The following ADGRL4 variants were observed in gnomAD, a reference collection of about 807,000 sequenced individuals.
ADGRL4 encodes EGF, latrophilin and seven transmembrane domain containing 1.
ADGRL4 carries 90 observed loss-of-function variants against 74.8 expected under a neutral mutation model. That is an observed-to-expected ratio of 1.20 (90% CI 1.02 to 1.43). The LOEUF (loss-of-function observed/expected upper bound fraction) is 1.43, where lower values mean the gene tolerates loss of function less well. Among genes scored for constraint, ADGRL4 ranks in the 40% most tolerant of loss-of-function variants. The pLI is 0.00. For synonymous variants in ADGRL4, 311 were observed against 279.2 expected (o/e 1.11, Z -1.14); for missense variants, 881 against 814.3 (o/e 1.08, Z -1.00).
chr1:78,972,991 C>A (rs911339279), intron 2 of ADGRL4, among the ~76,000 whole-genome samples: 1 of 152,162 alleles, frequency 6.6e-6, no homozygotes, highest in African/African-American at 2.4e-5. Flanking sequence ...GCACATACTT[C>A]TGTAGTTTTA....
intron 2 of ADGRL4, among the ~76,000 whole-genome samples, chr1:78,957,078 A>T (rs531444608): frequency 6.6e-6 from 1 of 152,232 alleles, no homozygotes; most frequent in East Asian, 1.9e-4. Context: ...TTGTTTTGGG[A>T]TGCCATGAAC....
intron 12 of ADGRL4, among the ~76,000 whole-genome samples, chr1:78,910,827 A>C (rs1648746835): frequency 6.6e-6 from 1 of 151,864 alleles, no homozygotes. Flanking sequence ...AACATTTTAA[A>C]TGTAGTGATT....
chr1:78,955,066 A>G (rs1649801472), intron 2 of ADGRL4, among the ~76,000 whole-genome samples: 1 of 152,136 alleles, frequency 6.6e-6, no homozygotes, highest in Admixed American at 6.5e-5. Context: ...GGAAATGTGT[A>G]GATATTTAGT....
intron 2 of ADGRL4, among the ~76,000 whole-genome samples, chr1:78,966,872 T>TC (rs1289669642): frequency 2.7e-5 from 4 of 150,506 alleles, no homozygotes; most frequent in African/African-American, 4.9e-5. Flanking sequence ...TTTCTTTCTT[T>TC]TTTTTTTTTT....
At chr1:78,984,457 A>T (rs1202500023) in intron 2 of ADGRL4, among the ~76,000 whole-genome samples, 1 of 151,744 alleles carries the variant, frequency 6.6e-6, no homozygotes, top group Non-Finnish European at 1.5e-5. Flanking sequence ...GTATTCATCT[A>T]GGCAGAAAAG....
chr1:78,914,279 T>C (rs1351492601), intron 12 of ADGRL4, among the ~76,000 whole-genome samples: 1 of 151,962 alleles, frequency 6.6e-6, no homozygotes, highest in Non-Finnish European at 1.5e-5. Flanking sequence ...CAGTATGACT[T>C]ATATTGTAAT....
At chr1:78,939,113 A>T in intron 4 of ADGRL4, 75 bp downstream of exon 4, 1 of 1,434,356 alleles carries the variant, frequency 7.0e-7, no homozygotes, top group Non-Finnish European at 9.2e-7. Context: ...CTCTTCTTGA[A>T]ATGTGTGACA....
chr1:78,920,388 T>C lies in ADGRL4; in HGVS notation c.1258-2A>G. 6.5e-7 allele frequency: 1 copy of C among 1,527,634 alleles called. No individual in the cohort carries two copies. Among genetic ancestry groups the C allele is most frequent in the Non-Finnish European group, 9.0e-7 (1 of 1,111,598 alleles). The allele number at this position is 1,527,634 out of a possible 1,614,324, so 94.6% of individuals were successfully genotyped here. A position where few individuals can be genotyped will look rare whatever the true frequency, so the allele number is the denominator to read the frequency against. On this transcript the variant is annotated splice_acceptor_variant, in intron 9 of 14. Transcript: ENST00000370742. LOFTEE classifies it high-confidence loss of function. Reference sequence around the variant, plus strand: ...AAGAATATTATAATCTTTAATACCCTAAGGGAAAATAATAATAAAGCAGTT... The same window carrying C: ...AAGAATATTATAATCTTTAATACCCCAAGGGAAAATAATAATAAAGCAGTT...
rs139660094 is a variant in ADGRL4 at position 78,938,594 on chromosome 1, A to G, written c.397-315T>C. Among the ~76,000 whole-genome samples the G allele has an allele frequency of 3.1e-3, 474 of 152,200 alleles. 5 individuals are homozygous for G. Among genetic ancestry groups the G allele is most frequent in the African/African-American group, 0.011 (450 of 41,566 alleles). ...TATAGAATTATATCCTAGCCAATGAATCTACCTTAATACTTAAACTTCTTA... is the reference window on the plus strand; with the variant it reads ...TATAGAATTATATCCTAGCCAATGAGTCTACCTTAATACTTAAACTTCTTA... On this transcript the variant is annotated intron_variant, in intron 4 of 14. Coordinates refer to ENST00000370742, the MANE Select transcript of ADGRL4 (RefSeq NM_022159.4).
At chr1:78,936,667 T>C (rs926085530) in intron 6 of ADGRL4, among the ~76,000 whole-genome samples, 2 of 152,278 alleles carry the variant, frequency 1.3e-5, no homozygotes, top group Non-Finnish European at 2.9e-5. Context: ...AATATGTGTA[T>C]GTAACCAAGC....
intron 7 of ADGRL4, among the ~76,000 whole-genome samples, chr1:78,935,594 T>G (rs909635098): frequency 2.6e-5 from 4 of 152,028 alleles, no homozygotes; most frequent in Non-Finnish European, 5.9e-5. Flanking sequence ...AATCACAAAT[T>G]TTGTCTCATG....
chr1:78,909,560 A>G (rs1266720640), intron 12 of ADGRL4, among the ~76,000 whole-genome samples: 1 of 151,884 alleles, frequency 6.6e-6, no homozygotes, highest in Non-Finnish European at 1.5e-5. Context: ...CAGCTCTGCC[A>G]TTATTGTGGA....
Position 79,005,059 on chromosome 1 carries a change from A to C in ADGRL4, c.172+11T>G. On this transcript the variant is annotated intron_variant, in intron 2 of 14. Transcript: ENST00000370742. ...CAGTATAATCCAAAAGAAGTAACAA[A>C]GCTTGTTTACCTTCACAAATTGTGA... The C allele has an allele frequency of 6.2e-7, 1 of 1,609,166 alleles. No individual in the cohort carries two copies. The highest frequency in any genetic ancestry group is 8.5e-7 in the Non-Finnish European group (1 of 1,178,086).
rs1192357436 is a variant in ADGRL4 at position 78,926,980 on chromosome 1, C to A, written c.989G>T (p.Arg330Ile). The change falls in exon 8 of 15, where the codon AGA (arginine) becomes ATA (isoleucine). Residue 330 changes from arginine to isoleucine, a missense_variant. Coordinates refer to ENST00000370742, the MANE Select transcript of ADGRL4 (RefSeq NM_022159.4). ...GACTGAAATTACTGAAGATATGACT[C>A]TTTCCTCCTCTTCAGAATTATCATA... ...QNYDNSEEEE[R>I]VISSVISVSM... is the part of the protein sequence containing the mutation. 6.2e-6 allele frequency: 10 copies of A among 1,611,470 alleles called. No individual in the cohort carries two copies. Among genetic ancestry groups the A allele is most frequent in the Admixed American group, 1.7e-5 (1 of 59,854 alleles).
chr1:79,003,764 A>T (rs181723159), intron 2 of ADGRL4, among the ~76,000 whole-genome samples: 34 of 152,166 alleles, frequency 2.2e-4, no homozygotes, highest in Non-Finnish European at 4.9e-4. Context: ...TACAATTTGT[A>T]ATGATTAGTG....
chr1:78,891,443 TGA>T lies in ADGRL4; in HGVS notation c.2010+79_2010+80del, dbSNP rs955992965. 72 of 1,431,000 alleles carry T rather than the reference TGA, an allele frequency of 5.0e-5. No individual in the cohort carries two copies. In the African/African-American group the frequency reaches 9.6e-4, roughly 19 times the overall value. The allele number at this position is 1,431,000 out of a possible 1,614,324, so 88.6% of individuals were successfully genotyped here. On this transcript the variant is annotated intron_variant, in intron 14 of 14. Coordinates refer to ENST00000370742, the MANE Select transcript of ADGRL4 (RefSeq NM_022159.4). ...AATAAAGGCAGAAGTCATAAATCTA[TGA>T]GAGTAAGAATTTTCTATCAATTTGG...
intron 2 of ADGRL4, among the ~76,000 whole-genome samples, chr1:78,949,426 C>G (rs1397708267): frequency 1.3e-5 from 2 of 152,130 alleles, no homozygotes; most frequent in African/African-American, 2.4e-5. Context: ...ATTTCCTTAT[C>G]TATCTCCCTA....
intron 2 of ADGRL4, among the ~76,000 whole-genome samples, 171 bp from the exon 3 acceptor site, chr1:78,946,597 T>G (rs1460309216): frequency 6.6e-6 from 1 of 152,188 alleles, no homozygotes; most frequent in Non-Finnish European, 1.5e-5. Context: ...TATTCTTGTT[T>G]ATAATAAGAG....
chr1:78,939,224 G>A lies in ADGRL4; in HGVS notation c.360C>T (p.Val120=). 6.4e-7 allele frequency: 1 copy of A among 1,566,834 alleles called. No homozygotes were observed. Among genetic ancestry groups the A allele is most frequent in the South Asian group, 1.2e-5 (1 of 83,438 alleles). Reference sequence around the variant, plus strand: ...TTTTATTAATATTTGCAGCTATACAGACATTATCTAAATGGCAGTTTGCAT... The same window carrying A: ...TTTTATTAATATTTGCAGCTATACAAACATTATCTAAATGGCAGTTTGCAT... The part of the protein sequence containing the change: ...NVNANCHLDN[V]CIAANINKTL... The change falls in exon 4 of 15, where the codon GTC becomes GTT. Residue 120 remains valine, a synonymous_variant. Transcript: ENST00000370742.
Sources: allele counts gnomAD v4.1 joint callset (sites outside exome capture counted in the v4.1 genomes callset), GRCh38; gene constraint gnomAD v4.1.1; transcripts MANE v1.5; gene names NCBI Gene and HGNC (gene_info 2026-07-23, HGNC 2026-07-21).